The following RBFOX1 variants were observed in gnomAD, a reference collection of about 807,000 sequenced individuals.
The protein encoded by RBFOX1 is RNA binding fox-1 homolog 1, also known as RNA binding protein fox-1 homolog 1.
In RBFOX1, 8 loss-of-function variants were observed where a neutral mutation model predicts 57.7. The ratio of observed to expected loss-of-function variants is 0.14; its 90% CI spans 0.08 to 0.25. The LOEUF is 0.25. RBFOX1 is among the 10% of genes least tolerant of loss of function. RBFOX1 has a pLI of 1.00. For synonymous variants in RBFOX1, 326 were observed against 222.4 expected (o/e 1.47, Z -4.15); for missense variants, 611 against 548.5 (o/e 1.11, Z -1.14).
At chr16:7,226,745 C>G (rs1298454026) in intron 4 of RBFOX1, among the ~76,000 whole-genome samples, 1 of 152,182 alleles carries the variant, frequency 6.6e-6, no homozygotes, top group Non-Finnish European at 1.5e-5. Flanking sequence ...ATCAAGAGGA[C>G]TGGTAGGATT....
intron 2 of RBFOX1, among the ~76,000 whole-genome samples, chr16:6,545,379 T>G (rs900022909): frequency 3.9e-5 from 6 of 152,332 alleles, no homozygotes; most frequent in African/African-American, 1.4e-4. Context: ...GCCTCTTGCC[T>G]TTCTCTCCAA....
chr16:5,656,724 T>G (rs2049443319), intron 3 of RBFOX1, among the ~76,000 whole-genome samples: 1 of 152,246 alleles, frequency 6.6e-6, no homozygotes, highest in African/African-American at 2.4e-5. Context: ...GCAAAGGACA[T>G]GAACTCATTC....
chr16:7,668,661 AACACACACAC>A (rs34133804), intron 13 of RBFOX1, among the ~76,000 whole-genome samples: 2 of 150,238 alleles, frequency 1.3e-5, no homozygotes, highest in African/African-American at 4.9e-5. Flanking sequence ...AACAGAACAG[AACACACACAC>A]ACACACACAC....
At chr16:6,943,052 A>G (rs1413025513) in intron 3 of RBFOX1, among the ~76,000 whole-genome samples, 1 of 152,166 alleles carries the variant, frequency 6.6e-6, no homozygotes, top group Non-Finnish European at 1.5e-5. Context: ...AGCTCCCTGA[A>G]TGCCTTTACG....
At chr16:6,616,925 A>G (rs184776621) in intron 2 of RBFOX1, among the ~76,000 whole-genome samples, 1 of 152,186 alleles carries the variant, frequency 6.6e-6, no homozygotes, top group Non-Finnish European at 1.5e-5. Flanking sequence ...ATTTGTTTAC[A>G]TATTGTCTCT....
chr16:7,668,170 C>G (rs1459873435), intron 13 of RBFOX1, among the ~76,000 whole-genome samples: 2 of 152,282 alleles, frequency 1.3e-5, no homozygotes, highest in East Asian at 3.9e-4. Context: ...GCTCTCTCCC[C>G]TCCCCCGTCC....
rs182941905 is a variant in RBFOX1 at position 5,583,778 on chromosome 16, A to C, written c.259-15124A>C. Among the ~76,000 whole-genome samples, 37 of 152,338 alleles carry C rather than the reference A, an allele frequency of 2.4e-4. 1 individual carries two copies. The East Asian group carries it at 5.4e-3, about 22-fold the overall frequency. On this transcript the variant is annotated intron_variant, in intron 2 of 2. Coordinates refer to the RBFOX1 transcript ENST00000585867. ...GTTAGCCCCATCTTATAGAGGGGAA[A>C]ACTGTGGCTCAGAGAAATGGAGTGA...
At chr16:6,137,338 C>T (rs1056556657) in intron 1 of RBFOX1, among the ~76,000 whole-genome samples, 2 of 152,208 alleles carry the variant, frequency 1.3e-5, no homozygotes, top group South Asian at 2.1e-4. Context: ...GAGTTTTGCT[C>T]TTATCGCCCA....
chr16:7,650,151 C>G (rs192147044), intron 11 of RBFOX1, among the ~76,000 whole-genome samples: 1 of 151,968 alleles, frequency 6.6e-6, no homozygotes, highest in African/African-American at 2.4e-5. Context: ...GGAATGTGAT[C>G]GATGAGCATT....
intron 4 of RBFOX1, among the ~76,000 whole-genome samples, chr16:7,256,866 C>A (rs2094707359): frequency 6.6e-6 from 1 of 152,108 alleles, no homozygotes; most frequent in Admixed American, 6.6e-5. Context: ...TTCCCTATCC[C>A]CACTAGGGCA....
intron 4 of RBFOX1, among the ~76,000 whole-genome samples, chr16:7,179,522 G>C (rs2082287402): frequency 6.6e-6 from 1 of 152,036 alleles, no homozygotes; most frequent in South Asian, 2.1e-4. Flanking sequence ...AATTATGTTT[G>C]CTGTTAGACC....
chr16:6,362,481 T>C (rs1270745881), intron 2 of RBFOX1, among the ~76,000 whole-genome samples: 2 of 152,228 alleles, frequency 1.3e-5, no homozygotes, highest in Non-Finnish European at 2.9e-5. Context: ...TGAGGCCACC[T>C]GCTCGTATGT....
intron 3 of RBFOX1, among the ~76,000 whole-genome samples, chr16:7,042,015 C>G (rs949354744): frequency 2.6e-5 from 4 of 152,160 alleles, no homozygotes; most frequent in African/African-American, 9.7e-5. Context: ...TAGTCTGATT[C>G]CTTAACCTCC....
chr16:7,291,828 A>T (rs1248216633), intron 4 of RBFOX1, among the ~76,000 whole-genome samples: 1 of 150,478 alleles, frequency 6.6e-6, no homozygotes, highest in African/African-American at 2.4e-5. Flanking sequence ...ATTACTGCAA[A>T]TCCTTCACAA....
chr16:6,253,286 C>T (rs995685437), intron 1 of RBFOX1, among the ~76,000 whole-genome samples: 5 of 152,144 alleles, frequency 3.3e-5, no homozygotes, highest in African/African-American at 9.7e-5. Flanking sequence ...CCTTCATCAT[C>T]GCCATCATTT....
chr16:7,627,421 A>G (rs2142398187), intron 10 of RBFOX1, among the ~76,000 whole-genome samples: 1 of 152,300 alleles, frequency 6.6e-6, no homozygotes, highest in East Asian at 1.9e-4. Flanking sequence ...CCCATTTGCC[A>G]TCCCTAGATT....
At chr16:6,762,886 T>G (rs2076820437) in intron 3 of RBFOX1, among the ~76,000 whole-genome samples, 1 of 151,988 alleles carries the variant, frequency 6.6e-6, no homozygotes, top group Non-Finnish European at 1.5e-5. Flanking sequence ...TGGGAGTAAG[T>G]GGGTACAAAG....
At chr16:6,448,787 C>G (rs1205196922) in intron 2 of RBFOX1, among the ~76,000 whole-genome samples, 3 of 152,102 alleles carry the variant, frequency 2.0e-5, no homozygotes, top group Non-Finnish European at 4.4e-5. Flanking sequence ...TGCCTTCAGC[C>G]ACCTTATCCT....
intron 4 of RBFOX1, among the ~76,000 whole-genome samples, chr16:7,253,136 G>T (rs147291760): frequency 9.5e-4 from 145 of 152,236 alleles, no homozygotes; most frequent in African/African-American, 3.3e-3. Context: ...TTTGCATTTT[G>T]ATGGCTCCGC....
Sources: gnomAD v4.1 joint callset for allele counts (sites outside exome capture counted in the v4.1 genomes callset) on GRCh38, gnomAD v4.1.1 for gene constraint, MANE v1.5 for transcripts, NCBI Gene and HGNC (gene_info 2026-07-23, HGNC 2026-07-21) for gene names.